NBEA: variants seen among roughly 807,000 people sequenced by gnomAD.
NBEA encodes the protein neurobeachin, also known as lysosomal-trafficking regulator 2.
A neutral mutation model predicts 343.4 loss-of-function variants in NBEA; 44 were observed. That is an observed-to-expected ratio of 0.13 (90% CI 0.10 to 0.16). The LOEUF (loss-of-function observed/expected upper bound fraction) is 0.16. Among genes scored for constraint, NBEA ranks in the 10% least tolerant of loss-of-function variants. The pLI is 1.00. For synonymous variants in NBEA, 1,175 were observed against 1,238.7 expected, an observed-to-expected ratio of 0.95 and a Z score of 1.08; for missense variants, 2,555 against 3,631.3, an observed-to-expected ratio of 0.70 and a Z score of 7.62.
rs780541330 is a variant in NBEA at position 35,050,413 on chromosome 13, T to C, written c.972+18T>C. On this transcript the variant is annotated intron_variant, in intron 6 of 58. Coordinates refer to ENST00000379939, the MANE Select transcript of NBEA (RefSeq NM_001385012.1). ...CACGCAAGGTAGGTAAAAGTAAATA[T>C]TTTTATAACTCACCTGTTATGACAG... 6.2e-7 allele frequency: 1 copy of C among 1,600,856 alleles called. No homozygotes were observed. The highest frequency in any genetic ancestry group is 1.1e-5 in the South Asian group (1 of 89,964).
At chr13:35,012,698 A>AT (rs2061526162) in intron 1 of NBEA, among the ~76,000 whole-genome samples, 1 of 152,222 alleles carries the variant, frequency 6.6e-6, no homozygotes, top group Admixed American at 6.5e-5. Context: ...TATATTTTGT[A>AT]TAACATTTGA....
rs1448905145 is a variant in NBEA, at chr13:35,649,853, T to C, written c.7963+6T>C. ...TAGATGGCACAACACAGTAGGTATG[T>C]GTGCCTGAGCAAATCACTTACTAAA... On this transcript the variant is annotated splice_donor_region_variant and intron_variant, in intron 52 of 58. Coordinates refer to ENST00000379939, the MANE Select transcript of NBEA (RefSeq NM_001385012.1). 1.2e-6 allele frequency: 2 copies of C among 1,612,408 alleles called. No homozygotes were observed. Among genetic ancestry groups the C allele is most frequent in the Non-Finnish European group, 1.7e-6 (2 of 1,179,456 alleles).
intron 1 of NBEA, among the ~76,000 whole-genome samples, chr13:34,957,112 C>T (rs775626457): frequency 3.9e-5 from 6 of 151,940 alleles, no homozygotes; most frequent in African/African-American, 9.7e-5. Flanking sequence ...TATATACCCA[C>T]CATAGTGATA....
At chr13:35,082,713 CT>C (rs1443010457) in intron 10 of NBEA, among the ~76,000 whole-genome samples, 3 of 152,130 alleles carry the variant, frequency 2.0e-5, no homozygotes, top group Middle Eastern at 3.2e-3. Flanking sequence ...GCAAAAATGT[CT>C]TCTTTTCAGA....
chr13:35,467,837 A>G (rs138252879), intron 40 of NBEA, among the ~76,000 whole-genome samples: 88 of 152,336 alleles, frequency 5.8e-4, no homozygotes, highest in African/African-American at 2.0e-3. Flanking sequence ...AACTTTTAAC[A>G]ATATTAAACT....
At chr13:35,648,977 G>A (rs1037348546) in intron 51 of NBEA, among the ~76,000 whole-genome samples, 3 of 152,002 alleles carry the variant, frequency 2.0e-5, no homozygotes, top group Non-Finnish European at 2.9e-5. Flanking sequence ...GTTTACCTAT[G>A]TAACAACCTG....
At chr13:35,112,778 G>A (rs1192547278) in intron 13 of NBEA, among the ~76,000 whole-genome samples, 2 of 151,984 alleles carry the variant, frequency 1.3e-5, no homozygotes, top group Non-Finnish European at 2.9e-5. Flanking sequence ...CACACCTACA[G>A]ATATATACAC....
intron 55 of NBEA, among the ~76,000 whole-genome samples, chr13:35,664,442 A>G (rs968523690): frequency 1.3e-5 from 2 of 152,240 alleles, no homozygotes; most frequent in African/African-American, 4.8e-5. Flanking sequence ...AACAACCTAT[A>G]TGGGTGATGC....
chr13:34,987,252 T>G (rs1386317162), intron 1 of NBEA, among the ~76,000 whole-genome samples: 1 of 150,982 alleles, frequency 6.6e-6, no homozygotes, highest in East Asian at 1.9e-4. Context: ...CTCCTTCACT[T>G]ATGAAGCCTA....
At position 35,321,083 on chromosome 13, in the gene NBEA, G is replaced by A. The variant is rs562402270; in HGVS notation, c.5903+11491G>A. Among the ~76,000 whole-genome samples the A allele has an allele frequency of 2.0e-4, 30 of 152,110 alleles. No homozygotes were observed. The South Asian group carries it at 5.4e-3, about 27-fold the overall frequency. On this transcript the variant is annotated intron_variant, in intron 36 of 58. Transcript: ENST00000379939. ...AGTTTGTTATTGCCCACCTTCTGAA[G>A]CCTGCTTCTGTCAATTTGTCAAACT... is the stretch of plus-strand genomic sequence containing the variant.
chr13:35,520,409 C>A (rs2152992006), intron 41 of NBEA, among the ~76,000 whole-genome samples: 1 of 152,256 alleles, frequency 6.6e-6, no homozygotes, highest in South Asian at 2.1e-4. Context: ...ATAAGGCAAC[C>A]ATGTCTCTTC....
At chr13:35,543,982 G>A (rs1440931588) in intron 41 of NBEA, among the ~76,000 whole-genome samples, 1 of 152,108 alleles carries the variant, frequency 6.6e-6, no homozygotes, top group Non-Finnish European at 1.5e-5. Context: ...AGTTTAAAAA[G>A]AGCATGGATG....
At position 35,668,636 on chromosome 13, in the gene NBEA, C is replaced by T. The variant is rs2085465894; in HGVS notation, c.8813+117C>T. ...TTCCAGCATCCAAATGAAAGAAAGACTGGCAAAGAAAAGGGGAAAATGAGG... is the reference window on the plus strand; with the variant it reads ...TTCCAGCATCCAAATGAAAGAAAGATTGGCAAAGAAAAGGGGAAAATGAGG... On this transcript the variant is annotated intron_variant, in intron 58 of 58. Coordinates refer to ENST00000379939, the MANE Select transcript of NBEA (RefSeq NM_001385012.1). 4.7e-6 allele frequency: 5 copies of T among 1,066,320 alleles called. No homozygotes were observed. In the East Asian group the frequency reaches 1.2e-4, roughly 25 times the overall value. 66.1% of individuals were successfully genotyped at this position (1,066,320 alleles called of 1,614,324 possible).
chr13:35,562,422 TAGG>T lies in NBEA; in HGVS notation c.6923-4480_6923-4478del, dbSNP rs578153379. On this transcript the variant is annotated intron_variant, in intron 44 of 58. Transcript: ENST00000379939. ...CCTGTAATTCTTGCATTTTAAAAAATAGGAGAGTAACCGCTAACACGGCTTTGT... is the reference window on the plus strand; with the variant it reads ...CCTGTAATTCTTGCATTTTAAAAAATAGAGTAACCGCTAACACGGCTTTGT... Among the ~76,000 whole-genome samples the T allele has an allele frequency of 4.6e-5, 7 of 152,222 alleles. No individual in the cohort carries two copies. The South Asian group carries it at 1.5e-3, about 32-fold the overall frequency.
chr13:35,468,361 C>A (rs916896839), intron 40 of NBEA, among the ~76,000 whole-genome samples: 5 of 152,166 alleles, frequency 3.3e-5, no homozygotes, highest in African/African-American at 9.7e-5. Context: ...TGACTAAGCA[C>A]AGACAAAAGC....
At chr13:35,352,579 A>G (rs2040249134) in intron 38 of NBEA, among the ~76,000 whole-genome samples, 2 of 152,094 alleles carry the variant, frequency 1.3e-5, no homozygotes, top group South Asian at 4.1e-4. Flanking sequence ...AAATATGGTT[A>G]GGCAAGTATT....
intron 1 of NBEA, among the ~76,000 whole-genome samples, chr13:34,980,099 T>G (rs1317885918): frequency 1.3e-5 from 2 of 152,158 alleles, no homozygotes; most frequent in Non-Finnish European, 2.9e-5. Context: ...TCTCAATTAC[T>G]GTAGTTTTAT....
chr13:35,521,141 G>T (rs889753719), intron 41 of NBEA, among the ~76,000 whole-genome samples: 1 of 151,630 alleles, frequency 6.6e-6, no homozygotes, highest in Non-Finnish European at 1.5e-5. Context: ...AATAAGGGAG[G>T]ATAATATTAG....
intron 40 of NBEA, among the ~76,000 whole-genome samples, chr13:35,457,456 C>T (rs765138874): frequency 1.1e-4 from 16 of 152,182 alleles, no homozygotes; most frequent in Non-Finnish European, 1.3e-4. Context: ...TTCCCTCTTT[C>T]GCAATCCTGG....
Sources: allele counts gnomAD v4.1 joint callset (sites outside exome capture counted in the v4.1 genomes callset), GRCh38; gene constraint gnomAD v4.1.1; transcripts MANE v1.5; gene names NCBI Gene and HGNC (gene_info 2026-07-23, HGNC 2026-07-21).